The following DCC variants were observed in gnomAD, a reference collection of about 807,000 sequenced individuals.
DCC encodes DCC netrin 1 receptor.
Under a neutral mutation model 172.5 loss-of-function variants are expected in DCC, and 58 were observed. That is an observed-to-expected ratio of 0.34 (90% CI 0.27 to 0.42). The LOEUF (loss-of-function observed/expected upper bound fraction) is 0.42. Ranked by LOEUF, DCC falls within the 10% of genes least tolerant of loss-of-function variation. DCC has a pLI of 1.00. For synonymous variants in DCC, 709 were observed against 644.5 expected (o/e 1.10, Z -1.52); for missense variants, 1,740 against 1,791.0 (o/e 0.97, Z 0.51).
chr18:53,245,784 G>A (rs79830899), intron 12 of DCC, among the ~76,000 whole-genome samples: 2,332 of 152,190 alleles, frequency 0.015, 67 homozygotes, highest in African/African-American at 0.053. Flanking sequence ...ACAGTCTTAA[G>A]CAATAAGGAG....
chr18:52,398,661 A>G (rs747834334), intron 1 of DCC, among the ~76,000 whole-genome samples: 14 of 152,038 alleles, frequency 9.2e-5, no homozygotes, highest in African/African-American at 3.1e-4. Context: ...ATTAAGGCCA[A>G]GCTGTGCACA....
chr18:52,432,312 C>T (rs1231220081), intron 1 of DCC, among the ~76,000 whole-genome samples: 4 of 152,088 alleles, frequency 2.6e-5, no homozygotes, highest in African/African-American at 9.7e-5. Flanking sequence ...CTTGGGTCTC[C>T]TTTGATGTAC....
intron 24 of DCC, among the ~76,000 whole-genome samples, chr18:53,465,455 A>T (rs1291379921): frequency 1.3e-5 from 2 of 152,076 alleles, no homozygotes; most frequent in African/African-American, 4.8e-5. Context: ...TGTCATTTGA[A>T]TTGTTTTACC....
At chr18:53,239,111 T>G (rs2056248552) in intron 12 of DCC, among the ~76,000 whole-genome samples, 1 of 150,692 alleles carries the variant, frequency 6.6e-6, no homozygotes, top group African/African-American at 2.4e-5. Context: ...AATTAATGGG[T>G]GCAGCACACC....
chr18:53,436,943 G>A lies in DCC; in HGVS notation c.3229+1734G>A, dbSNP rs368937366. Among the ~76,000 whole-genome samples, 6 of 152,138 alleles carry A rather than the reference G, an allele frequency of 3.9e-5. No individual in the cohort carries two copies. The East Asian group carries it at 1.2e-3, about 29-fold the overall frequency. On this transcript the variant is annotated intron_variant, in intron 22 of 28. Coordinates refer to ENST00000442544, the MANE Select transcript of DCC (RefSeq NM_005215.4). ...TTCTCCCATGGTGTTTGGAAAGGGT[G>A]AGCAAGCTCCCTCAGGCTTTTTCTA...
At chr18:53,394,129 A>G (rs1314606502) in intron 17 of DCC, among the ~76,000 whole-genome samples, 1 of 152,194 alleles carries the variant, frequency 6.6e-6, no homozygotes, top group African/African-American at 2.4e-5. Context: ...ACACAATAGG[A>G]AACAAACAAA....
At chr18:52,877,082 C>A (rs1184935676) in intron 2 of DCC, among the ~76,000 whole-genome samples, 2 of 152,130 alleles carry the variant, frequency 1.3e-5, no homozygotes, top group Non-Finnish European at 2.9e-5. Context: ...AACTGGATGA[C>A]CTGTATTTTA....
intron 1 of DCC, among the ~76,000 whole-genome samples, chr18:52,688,135 T>C (rs1164698169): frequency 6.6e-6 from 1 of 152,016 alleles, no homozygotes; most frequent in African/African-American, 2.4e-5. Context: ...TCTTTTTTTT[T>C]TTTTTGGTAT....
intron 7 of DCC, among the ~76,000 whole-genome samples, chr18:53,131,795 G>A (rs2043656678): frequency 6.6e-6 from 1 of 152,014 alleles, no homozygotes; most frequent in Admixed American, 6.6e-5. Context: ...ACTCAGAAGA[G>A]ACAGAGAAAA....
intron 1 of DCC, among the ~76,000 whole-genome samples, chr18:52,705,002 CA>C (rs561213060): frequency 8.9e-4 from 135 of 152,214 alleles, no homozygotes; most frequent in African/African-American, 3.0e-3. Context: ...ACTTGGTTCC[CA>C]GTTGGTGAGA....
At chr18:52,413,661 A>G in intron 1 of DCC, among the ~76,000 whole-genome samples, 1 of 152,118 alleles carries the variant, frequency 6.6e-6, no homozygotes, top group East Asian at 1.9e-4. Flanking sequence ...GAAAATTAGT[A>G]CCTTTATCTC....
intron 2 of DCC, among the ~76,000 whole-genome samples, chr18:52,875,878 T>A (rs2039396515): frequency 6.6e-6 from 1 of 152,204 alleles, no homozygotes; most frequent in Non-Finnish European, 1.5e-5. Flanking sequence ...TTCTGGGATC[T>A]CTCATTCCGG....
chr18:52,829,969 G>T (rs1444218707), intron 2 of DCC, among the ~76,000 whole-genome samples: 1 of 152,124 alleles, frequency 6.6e-6, no homozygotes, highest in South Asian at 2.1e-4. Context: ...TGACATTTGA[G>T]TGAAGATCTG....
At chr18:53,029,057 G>A (rs781284891) in intron 5 of DCC, among the ~76,000 whole-genome samples, 20 of 148,390 alleles carry the variant, frequency 1.3e-4, no homozygotes, top group Non-Finnish European at 2.4e-4. Context: ...ATTCATATGA[G>A]CCATATTTTG....
chr18:53,387,472 A>G (rs1340505737), intron 16 of DCC, among the ~76,000 whole-genome samples: 1 of 152,232 alleles, frequency 6.6e-6, no homozygotes, highest in African/African-American at 2.4e-5. Flanking sequence ...AGTATATATC[A>G]TTCATTGTAT....
At chr18:53,431,982 T>G (rs1287562209) in intron 21 of DCC, among the ~76,000 whole-genome samples, 3 of 152,184 alleles carry the variant, frequency 2.0e-5, no homozygotes, top group Non-Finnish European at 4.4e-5. Context: ...AGAATTTTAA[T>G]TTGTAAAAGT....
At chr18:52,478,650 A>G (rs1837420612) in intron 1 of DCC, among the ~76,000 whole-genome samples, 1 of 152,204 alleles carries the variant, frequency 6.6e-6, no homozygotes, top group Admixed American at 6.5e-5. Flanking sequence ...GAAACTTACA[A>G]TCCTGGCAGA....
intron 5 of DCC, among the ~76,000 whole-genome samples, chr18:52,991,004 C>T (rs758231846): frequency 8.5e-5 from 13 of 152,136 alleles, no homozygotes; most frequent in Middle Eastern, 3.2e-3. Flanking sequence ...TTACATAAAT[C>T]GCCTAAGTTC....
intron 12 of DCC, among the ~76,000 whole-genome samples, chr18:53,249,247 T>G (rs1238417537): frequency 6.6e-6 from 1 of 152,156 alleles, no homozygotes; most frequent in South Asian, 2.1e-4. Flanking sequence ...AGTATGTGTT[T>G]TTTTTATTTG....
Sources: gnomAD v4.1 joint callset for allele counts (sites outside exome capture counted in the v4.1 genomes callset) on GRCh38, gnomAD v4.1.1 for gene constraint, MANE v1.5 for transcripts, NCBI Gene and HGNC (gene_info 2026-07-23, HGNC 2026-07-21) for gene names.